STOX2: variants seen among roughly 807,000 people sequenced by gnomAD.
STOX2 encodes storkhead-box protein 2.
Under a neutral mutation model 60.9 loss-of-function variants are expected in STOX2, and 28 were observed. That is an observed-to-expected ratio of 0.46 (90% CI 0.34 to 0.63). The LOEUF (loss-of-function observed/expected upper bound fraction) is 0.63, where lower values mean the gene tolerates loss of function less well. Among genes scored for constraint, STOX2 ranks in the 30% least tolerant of loss-of-function variants. The pLI is 0.01. For missense variants in STOX2, 1,024 were observed against 1,187.7 expected (o/e 0.86, Z 2.03); for synonymous variants, 472 against 463.9 (o/e 1.02, Z -0.22).
chr4:183,952,600 T>C (rs1334019818), intron 1 of STOX2, among the ~76,000 whole-genome samples: 1 of 152,198 alleles, frequency 6.6e-6, no homozygotes, highest in Non-Finnish European at 1.5e-5. Flanking sequence ...AGAATAAAAA[T>C]TTCTCCATCT....
intron 1 of STOX2, among the ~76,000 whole-genome samples, chr4:183,805,307 G>A (rs150689819): frequency 1.4e-4 from 21 of 152,294 alleles, no homozygotes; most frequent in African/African-American, 4.8e-4. Flanking sequence ...AACCCTTGTT[G>A]CATAGCTGTA....
rs147144979 is a variant in STOX2 at position 183,921,811 on chromosome 4, A to C, written c.166+14855A>C. Among the ~76,000 whole-genome samples, 429 of 152,280 alleles carry C rather than the reference A, an allele frequency of 2.8e-3. 2 individuals are homozygous for C. Among genetic ancestry groups the C allele is most frequent in the Non-Finnish European group, 5.4e-3 (370 of 68,022 alleles). On this transcript the variant is annotated intron_variant, in intron 1 of 3. Coordinates refer to ENST00000308497, the MANE Select transcript of STOX2 (RefSeq NM_020225.3). ...AAAATGATATCTTTTATTAACTCTT[A>C]CTCCCGTTTCATGGCTAGCTAACTA...
At position 184,010,381 on chromosome 4, in the gene STOX2, G is replaced by A. The variant is rs771856769; in HGVS notation, c.1543G>A (p.Gly515Ser). The part of the protein sequence containing the change: ...SLGTPEDLAE[G>S]CSQDDQTPSQ... ...AGGGACGCCGGAAGACCTTGCTGAAGGCTGCAGCCAAGACGACCAGACCCC... is the reference window on the plus strand; with the variant it reads ...AGGGACGCCGGAAGACCTTGCTGAAAGCTGCAGCCAAGACGACCAGACCCC... The change falls in exon 3 of 4, where the codon GGC becomes AGC. Residue 515 changes from glycine to serine, a missense_variant. Physicochemically the swap from Gly to Ser is moderately conservative, Grantham distance 56. This residue lies in a region of STOX2 where 922 missense variants were observed against 1,058.3 expected (regional missense o/e 0.87). Coordinates refer to ENST00000308497, the MANE Select transcript of STOX2 (RefSeq NM_020225.3). The surrounding 1 kb of genome is among the most constrained non-coding windows in gnomAD (Gnocchi z 4.5). 1.9e-6 allele frequency: 3 copies of A among 1,613,316 alleles called. No individual in the cohort carries two copies. The highest frequency in any genetic ancestry group is 1.1e-5 in the South Asian group (1 of 90,870).
chr4:183,859,001 C>T (rs76450492), intron 1 of STOX2, among the ~76,000 whole-genome samples: 417 of 152,274 alleles, frequency 2.7e-3, no homozygotes, highest in African/African-American at 9.5e-3. Context: ...TTCCTATGGC[C>T]CTCTGCCACC....
chr4:183,886,433 A>T (rs1448554895), intron 1 of STOX2, among the ~76,000 whole-genome samples: 1 of 152,170 alleles, frequency 6.6e-6, no homozygotes, highest in Non-Finnish European at 1.5e-5. Flanking sequence ...TAAGCAGGGG[A>T]CTACCTGGAT....
chr4:183,978,720 A>G (rs898686357), intron 1 of STOX2, among the ~76,000 whole-genome samples: 6 of 152,226 alleles, frequency 3.9e-5, no homozygotes, highest in Non-Finnish European at 7.3e-5. Context: ...GTTACATGCT[A>G]TATGATTCCA....
intron 1 of STOX2, among the ~76,000 whole-genome samples, chr4:183,884,489 C>T (rs1446980097): frequency 6.6e-6 from 1 of 152,146 alleles, no homozygotes; most frequent in Admixed American, 6.5e-5. Context: ...AAAGGAAGAA[C>T]AAATAAAATA....
intron 1 of STOX2, among the ~76,000 whole-genome samples, chr4:183,956,446 CTATCTAT>C (rs1743253511): frequency 7.1e-6 from 1 of 141,500 alleles, no homozygotes; most frequent in Non-Finnish European, 1.5e-5. Context: ...ATTCATCTAT[CTATCTAT>C]CTATCTATCT....
At chr4:183,913,539 G>A (rs1488410987) in intron 1 of STOX2, among the ~76,000 whole-genome samples, 4 of 152,222 alleles carry the variant, frequency 2.6e-5, no homozygotes, top group African/African-American at 4.8e-5. Flanking sequence ...TTGGGAGGGC[G>A]AGGCGGGCAG....
chr4:184,003,553 C>A (rs1379642739), intron 2 of STOX2, among the ~76,000 whole-genome samples: 1 of 152,232 alleles, frequency 6.6e-6, no homozygotes, highest in Non-Finnish European at 1.5e-5. Context: ...TTTGCAAGGA[C>A]ACCATACAAA....
At chr4:183,961,321 C>A (rs915351263) in intron 1 of STOX2, among the ~76,000 whole-genome samples, 9 of 151,936 alleles carry the variant, frequency 5.9e-5, no homozygotes, top group African/African-American at 1.9e-4. Context: ...AAAGCATAAA[C>A]AAAGAATAAA....
intron 1 of STOX2, among the ~76,000 whole-genome samples, chr4:183,803,626 C>T (rs150154926): frequency 2.0e-5 from 3 of 152,254 alleles, no homozygotes; most frequent in African/African-American, 4.8e-5. Context: ...AGTCCCTGTA[C>T]TTTTGGAGGC....
chr4:183,958,369 T>TATACCATATATATAAA (rs1193357587), intron 1 of STOX2, among the ~76,000 whole-genome samples: 4 of 152,148 alleles, frequency 2.6e-5, no homozygotes, highest in Non-Finnish European at 4.4e-5. Context: ...TCACACCATA[T>TATACCATATATATAAA]ATACCATATA....
intron 1 of STOX2, among the ~76,000 whole-genome samples, chr4:183,885,236 T>G (rs1344695688): frequency 6.6e-6 from 1 of 152,036 alleles, no homozygotes; most frequent in East Asian, 1.9e-4. Context: ...CCTTTCATAC[T>G]GTTTGTTGTT....
chr4:183,825,273 C>T lies in STOX2; in HGVS notation c.364+27218C>T, dbSNP rs1177488334. ...GCTAATTATGCATGAGGAGGAGAGG[C>T]TGTGGGCGAGGAAGGAAGGACGTGT... On this transcript the variant is annotated intron_variant, in intron 1 of 2. Coordinates refer to the STOX2 transcript ENST00000513034. This position sits in a 1 kb window ranked among gnomAD's most constrained non-coding sequence, Gnocchi z 4.1. Among the ~76,000 whole-genome samples the T allele has an allele frequency of 2.0e-5, 3 of 152,076 alleles. No individual in the cohort carries two copies. Among genetic ancestry groups the T allele is most frequent in the Admixed American group, 6.5e-5 (1 of 15,268 alleles).
intron 1 of STOX2, among the ~76,000 whole-genome samples, chr4:183,914,688 T>G (rs773582350): frequency 2.0e-5 from 3 of 152,092 alleles, no homozygotes; most frequent in Non-Finnish European, 4.4e-5. Flanking sequence ...TCTGTTCCCC[T>G]TCTTGGAGGG....
chr4:183,807,911 G>A lies in STOX2; in HGVS notation c.364+9856G>A, dbSNP rs182182818. On this transcript the variant is annotated intron_variant, in intron 1 of 2. Transcript: ENST00000513034. ...GAAGGCTCTTGCTGGGAATCAGGCC[G>A]CTTTCTTTGTGGATTTATCTACCCA... 3.9e-5 allele frequency among the ~76,000 whole-genome samples: 6 copies of A among 152,346 alleles called. No homozygotes were observed. The East Asian group carries it at 1.2e-3, about 29-fold the overall frequency.
At chr4:183,826,514 T>C (rs115361727) in intron 1 of STOX2, among the ~76,000 whole-genome samples, 13 of 152,332 alleles carry the variant, frequency 8.5e-5, no homozygotes, top group African/African-American at 3.1e-4. Flanking sequence ...TGCTTTCCAT[T>C]TCCATGGCTT....
At chr4:183,905,251 C>G (rs1488936187), upstream of STOX2, 1 of 152,354 alleles carries the variant, frequency 6.6e-6, no homozygotes, top group Admixed American at 6.5e-5. Context: ...GCATTGGCCC[C>G]TCCTCCCCTC....
Sources: allele counts gnomAD v4.1 joint callset (sites outside exome capture counted in the v4.1 genomes callset), GRCh38; gene constraint gnomAD v4.1.1; regional missense constraint gnomAD v4.1.1; non-coding constraint Gnocchi (gnomAD v3.1); transcripts MANE v1.5; gene names NCBI Gene and HGNC (gene_info 2026-07-23, HGNC 2026-07-21).